FGGY: variants seen among roughly 807,000 people sequenced by gnomAD.
FGGY encodes FGGY carbohydrate kinase domain containing, also known as FGGY carbohydrate kinase domain-containing protein.
FGGY carries 72 observed loss-of-function variants against 71.3 expected under a neutral mutation model. The ratio of observed to expected loss-of-function variants is 1.01; its 90% CI spans 0.84 to 1.23. The LOEUF (loss-of-function observed/expected upper bound fraction) is 1.23. FGGY is among the 50% of genes most tolerant of loss of function. FGGY has a pLI of 0.00. For synonymous variants in FGGY, 251 were observed against 250.3 expected, an observed-to-expected ratio of 1.00 and a Z score of -0.02; for missense variants, 668 against 682.3, an observed-to-expected ratio of 0.98 and a Z score of 0.23.
chr1:59,494,831 A>G (rs1433591982), intron 6 of FGGY, among the ~76,000 whole-genome samples: 1 of 152,170 alleles, frequency 6.6e-6, no homozygotes, highest in Non-Finnish European at 1.5e-5. Flanking sequence ...ATAGTAGAAC[A>G]ATTTATATTC....
chr1:59,678,624 C>G (rs2097460207), intron 14 of FGGY, among the ~76,000 whole-genome samples: 1 of 152,196 alleles, frequency 6.6e-6, no homozygotes, highest in Admixed American at 6.5e-5. Flanking sequence ...TCTCCACTTT[C>G]TGTTTCCTTC....
intron 2 of FGGY, among the ~76,000 whole-genome samples, chr1:59,338,790 A>G (rs1277681217): frequency 1.3e-5 from 2 of 152,186 alleles, no homozygotes; most frequent in Admixed American, 1.3e-4. Context: ...ACCTTCTTCT[A>G]TATATAACTT....
intron 8 of FGGY, among the ~76,000 whole-genome samples, chr1:59,604,193 C>A (rs748139204): frequency 1.9e-4 from 29 of 152,174 alleles, no homozygotes; most frequent in Non-Finnish European, 3.5e-4. Context: ...GGTCATGGAG[C>A]AGTCTCCAGG....
At chr1:59,533,551 A>C (rs1215794786) in intron 7 of FGGY, among the ~76,000 whole-genome samples, 2 of 145,492 alleles carry the variant, frequency 1.4e-5, no homozygotes, top group Non-Finnish European at 3.0e-5. Context: ...GGGGGCAGGG[A>C]ACAGACAAAA....
At chr1:59,685,737 T>G (rs1369988078) in intron 14 of FGGY, among the ~76,000 whole-genome samples, 1 of 152,212 alleles carries the variant, frequency 6.6e-6, no homozygotes, top group Non-Finnish European at 1.5e-5. Context: ...TCTATGGGTC[T>G]CTGATCTGGA....
intron 6 of FGGY, among the ~76,000 whole-genome samples, chr1:59,484,892 G>A (rs999388371): frequency 2.6e-5 from 4 of 152,120 alleles, no homozygotes; most frequent in African/African-American, 4.8e-5. Context: ...AAAAGAAAGA[G>A]TGGTTTTATT....
At chr1:59,650,272 C>A (rs1012100200) in intron 11 of FGGY, among the ~76,000 whole-genome samples, 1 of 143,894 alleles carries the variant, frequency 6.9e-6, no homozygotes, top group East Asian at 1.9e-4. Context: ...TCATAAAATG[C>A]GTTAGGGAGG....
intron 4 of FGGY, among the ~76,000 whole-genome samples, chr1:59,374,705 C>T (rs1235173568): frequency 1.3e-5 from 2 of 151,980 alleles, no homozygotes; most frequent in African/African-American, 4.8e-5. Context: ...ACATATACAC[C>T]ATGGAATACT....
chr1:59,743,914 A>G (rs557697041), intron 14 of FGGY, among the ~76,000 whole-genome samples: 1 of 152,316 alleles, frequency 6.6e-6, no homozygotes, highest in African/African-American at 2.4e-5. Flanking sequence ...TGGTCCCTGC[A>G]TTCTGTGTTC....
At chr1:59,668,677 G>A (rs58594130) in intron 13 of FGGY, among the ~76,000 whole-genome samples, 1 of 152,148 alleles carries the variant, frequency 6.6e-6, no homozygotes, top group East Asian at 1.9e-4. Flanking sequence ...ACAAGTCTGA[G>A]GACAGTAAGA....
chr1:59,443,450 C>G (rs1176397930), intron 5 of FGGY, among the ~76,000 whole-genome samples: 1 of 152,086 alleles, frequency 6.6e-6, no homozygotes, highest in Non-Finnish European at 1.5e-5. Flanking sequence ...TTGCTCCCCA[C>G]CCCCCAACTA....
rs569985608 is a variant in FGGY, at chr1:59,322,571, A to G, written c.201+821A>G. Among the ~76,000 whole-genome samples the G allele has an allele frequency of 3.3e-5, 5 of 152,286 alleles. No individual in the cohort carries two copies. In the South Asian group the frequency reaches 1.0e-3, roughly 32 times the overall value. ...GACAAATGAGGATGAGAGGAACTGC[A>G]TTTTGGGCAGAGGGAATAGCATATG... On this transcript the variant is annotated intron_variant, in intron 2 of 15. Transcript: ENST00000303721.
chr1:59,757,975 G>T lies in FGGY; in HGVS notation c.1557G>T (p.Pro519=), dbSNP rs150176744. The change falls in exon 15 of 16, where the codon CCG becomes CCT. Residue 519 remains proline, a synonymous_variant. Transcript: ENST00000303721. The part of the protein sequence containing the change: ...KMSKVGKVVF[P]RLQDKKYYDK... The stretch of plus-strand genomic sequence containing the variant: ...GCAAAGTTGGGAAAGTTGTGTTCCC[G>T]AGACTACAGGATAAAAAGTAAGTGT... 3.7e-6 allele frequency: 6 copies of T among 1,612,714 alleles called. No individual in the cohort carries two copies. In the South Asian group the frequency reaches 4.4e-5, roughly 12 times the overall value.
intron 14 of FGGY, among the ~76,000 whole-genome samples, chr1:59,730,571 T>G (rs985030729): frequency 5.9e-5 from 9 of 152,326 alleles, no homozygotes; most frequent in Admixed American, 4.6e-4. Flanking sequence ...TTGAGCATAT[T>G]GTTATACCAG....
chr1:59,458,212 G>A (rs2091897188), intron 6 of FGGY, among the ~76,000 whole-genome samples: 1 of 152,170 alleles, frequency 6.6e-6, no homozygotes. Context: ...TATTCCCATG[G>A]TATGTTGTTA....
chr1:59,533,092 T>A lies in FGGY; in HGVS notation c.799+20653T>A, dbSNP rs958966263. Among the ~76,000 whole-genome samples, 21 of 152,062 alleles carry A rather than the reference T, an allele frequency of 1.4e-4. 1 individual carries two copies. The highest frequency in any genetic ancestry group is 2.1e-4 in the Non-Finnish European group (14 of 68,016). On this transcript the variant is annotated intron_variant, in intron 7 of 15. Coordinates refer to ENST00000303721, the MANE Select transcript of FGGY (RefSeq NM_018291.5). ...GTGATTTCTGCATTTCCGTCTGAGGTACGGGGTTCATCTCACTAGGGAGTG... is the reference window on the plus strand; with the variant it reads ...GTGATTTCTGCATTTCCGTCTGAGGAACGGGGTTCATCTCACTAGGGAGTG...
At chr1:59,750,538 T>C (rs1009931229) in intron 14 of FGGY, among the ~76,000 whole-genome samples, 2 of 152,200 alleles carry the variant, frequency 1.3e-5, no homozygotes, top group African/African-American at 2.4e-5. Context: ...CTTAAAATTA[T>C]AAATGAGGTG....
chr1:59,574,133 G>A (rs1444598008), intron 8 of FGGY, among the ~76,000 whole-genome samples: 2 of 152,326 alleles, frequency 1.3e-5, no homozygotes, highest in African/African-American at 2.4e-5. Flanking sequence ...TGGTTCTCGA[G>A]ACTAGAAGTT....
At chr1:59,303,944 GTTAC>G (rs773687385) in intron 1 of FGGY, among the ~76,000 whole-genome samples, 51 of 151,950 alleles carry the variant, frequency 3.4e-4, no homozygotes, top group Admixed American at 5.9e-4. Flanking sequence ...AAAAAATTAA[GTTAC>G]TTGAGTTGTA....
Sources: allele counts gnomAD v4.1 joint callset (sites outside exome capture counted in the v4.1 genomes callset), GRCh38; gene constraint gnomAD v4.1.1; transcripts MANE v1.5; gene names NCBI Gene and HGNC (gene_info 2026-07-23, HGNC 2026-07-21).